STK39: variants seen among roughly 807,000 people sequenced by gnomAD.
STK39 encodes the protein STE20/SPS1-related proline-alanine-rich protein kinase.
In STK39, 20 loss-of-function variants were observed where a neutral mutation model predicts 77.8. The observed-to-expected ratio is 0.26, with a 90% CI of 0.18 to 0.37. STK39 has a LOEUF of 0.37. STK39 is among the 10% of genes least tolerant of loss of function. The pLI is 1.00. For synonymous variants in STK39, 246 were observed against 234.1 expected (o/e 1.05, Z -0.47); for missense variants, 479 against 656.5 (o/e 0.73, Z 2.95).
chr2:167,975,529 C>CGG (rs1423597629), intron 16 of STK39, among the ~76,000 whole-genome samples: 1 of 152,168 alleles, frequency 6.6e-6, no homozygotes, highest in East Asian at 1.9e-4. Flanking sequence ...AAAAGGTGGA[C>CGG]TGTAGGCCGG....
At chr2:167,956,698 T>TCTCA (rs1559032289) in intron 17 of STK39, among the ~76,000 whole-genome samples, 4 of 71,882 alleles carry the variant, frequency 5.6e-5, no homozygotes, top group South Asian at 4.8e-4. Context: ...ACACACACAC[T>TCTCA]CTCTCTCTCT....
chr2:167,983,317 T>C (rs1023063114), intron 16 of STK39, among the ~76,000 whole-genome samples: 1 of 151,876 alleles, frequency 6.6e-6, no homozygotes, highest in East Asian at 1.9e-4. Context: ...CTGTCTCTAC[T>C]AAAAATACAA....
intron 1 of STK39, among the ~76,000 whole-genome samples, chr2:168,243,266 G>C (rs186032001): frequency 3.4e-4 from 52 of 152,292 alleles, no homozygotes; most frequent in African/African-American, 1.1e-3. Context: ...GGAATGCCCA[G>C]GGCTATTTAC....
At chr2:167,956,129 G>T (rs191683929) in intron 17 of STK39, among the ~76,000 whole-genome samples, 1 of 152,124 alleles carries the variant, frequency 6.6e-6, no homozygotes, top group East Asian at 1.9e-4. Flanking sequence ...TACAGGGAAA[G>T]GTATTATAAC....
chr2:168,160,830 A>G (rs1306905765), intron 5 of STK39, among the ~76,000 whole-genome samples: 1 of 149,638 alleles, frequency 6.7e-6, no homozygotes, highest in Non-Finnish European at 1.5e-5. Context: ...TCCTTAGCCT[A>G]TGGGATAAGG....
At chr2:168,086,498 C>A (rs1208953236) in intron 10 of STK39, among the ~76,000 whole-genome samples, 1 of 152,064 alleles carries the variant, frequency 6.6e-6, no homozygotes, top group Non-Finnish European at 1.5e-5. Context: ...TCTACCAGTT[C>A]TGCTAAAATT....
In STK39 at chr2:168,100,429, T is replaced by TTAG. The variant is rs1553523214; in HGVS notation, c.1090-25199_1090-25198insCTA. On this transcript the variant is annotated intron_variant, in intron 10 of 17. Coordinates refer to ENST00000355999, the MANE Select transcript of STK39 (RefSeq NM_013233.3). ...CTCAGTGTCTTCATTTATTTATTTATTTAGTTAGTTAGTTTTAAAGATGAG... is the reference window on the plus strand; with the variant it reads ...CTCAGTGTCTTCATTTATTTATTTATTAGTTAGTTAGTTAGTTTTAAAGATGAG... Among the ~76,000 whole-genome samples the TTAG allele has an allele frequency of 1.2e-3, 186 of 152,156 alleles. 1 individual carries two copies. The highest frequency in any genetic ancestry group is 0.01 in the Middle Eastern group (3 of 294).
At position 167,992,190 on chromosome 2, in the gene STK39, G is replaced by A. The variant is rs190278861; in HGVS notation, c.1498+20444C>T. ...GAATTTTTGCCATTCAGGATTTTATGCCAAAAATTGTTTTCAGATCTTTGG... is the reference window on the plus strand; with the variant it reads ...GAATTTTTGCCATTCAGGATTTTATACCAAAAATTGTTTTCAGATCTTTGG... On this transcript the variant is annotated intron_variant, in intron 16 of 17. Transcript: ENST00000355999. Among the ~76,000 whole-genome samples the A allele has an allele frequency of 7.2e-5, 11 of 152,228 alleles. No homozygotes were observed. In the East Asian group the frequency reaches 1.7e-3, roughly 24 times the overall value.
At chr2:168,243,718 G>A (rs1690830133) in intron 1 of STK39, among the ~76,000 whole-genome samples, 1 of 152,192 alleles carries the variant, frequency 6.6e-6, no homozygotes, top group Admixed American at 6.5e-5. Context: ...TGAATGAGAA[G>A]TTCATTGAGG....
chr2:168,077,013 G>A (rs762777239), intron 10 of STK39, among the ~76,000 whole-genome samples: 7 of 152,104 alleles, frequency 4.6e-5, no homozygotes, highest in African/African-American at 9.7e-5. Context: ...TCTTAGCAAC[G>A]CTGATCATGG....
intron 1 of STK39, among the ~76,000 whole-genome samples, chr2:168,185,925 C>G: frequency 6.6e-6 from 1 of 152,048 alleles, no homozygotes; most frequent in East Asian, 1.9e-4. Flanking sequence ...GGAATAAATC[C>G]TTCTATAGGA....
chr2:168,220,001 A>G (rs1340604714), intron 1 of STK39, among the ~76,000 whole-genome samples: 1 of 152,100 alleles, frequency 6.6e-6, no homozygotes, highest in African/African-American at 2.4e-5. Flanking sequence ...TGTCCAAGGA[A>G]AGAGATGGAG....
intron 12 of STK39, among the ~76,000 whole-genome samples, chr2:168,073,517 A>G (rs562809942): frequency 2.0e-5 from 3 of 152,334 alleles, no homozygotes; most frequent in East Asian, 1.9e-4. Context: ...TTCATGATAC[A>G]TGGTTAAGAT....
intron 16 of STK39, among the ~76,000 whole-genome samples, chr2:167,993,458 G>A (rs1450836329): frequency 2.0e-5 from 3 of 152,174 alleles, no homozygotes; most frequent in Admixed American, 6.5e-5. Context: ...AGGTCGAAGC[G>A]GGAGGATCGC....
At chr2:168,245,081 A>G (rs1690863760) in intron 1 of STK39, among the ~76,000 whole-genome samples, 1 of 152,190 alleles carries the variant, frequency 6.6e-6, no homozygotes, top group Non-Finnish European at 1.5e-5. Flanking sequence ...TCCCAATCCT[A>G]TGGACTCTAT....
intron 17 of STK39, among the ~76,000 whole-genome samples, chr2:167,958,796 A>G (rs1028678602): frequency 1.6e-4 from 25 of 152,232 alleles, no homozygotes; most frequent in African/African-American, 6.0e-4. Flanking sequence ...TGAAGTTTTC[A>G]TACCCTGTTA....
chr2:168,057,215 C>T (rs532465567), intron 14 of STK39, among the ~76,000 whole-genome samples: 1 of 152,298 alleles, frequency 6.6e-6, no homozygotes, highest in Non-Finnish European at 1.5e-5. Context: ...TTTTTTGAGA[C>T]AGAGTCTCGC....
At chr2:168,245,924 G>A (rs1012395463) in intron 1 of STK39, among the ~76,000 whole-genome samples, 12 of 151,826 alleles carry the variant, frequency 7.9e-5, no homozygotes, top group African/African-American at 2.9e-4. Context: ...CCTAGGTTAC[G>A]GACCTGCCCA....
chr2:168,044,567 A>C (rs4668009), intron 14 of STK39, among the ~76,000 whole-genome samples: 75,601 of 152,018 alleles, frequency 0.5, 19,672 homozygotes, highest in Non-Finnish European at 0.56. Flanking sequence ...ATAATTATCT[A>C]AGAAACAGGA....
Sources: gnomAD v4.1 joint callset for allele counts (sites outside exome capture counted in the v4.1 genomes callset) on GRCh38, gnomAD v4.1.1 for gene constraint, MANE v1.5 for transcripts, NCBI Gene and HGNC (gene_info 2026-07-23, HGNC 2026-07-21) for gene names.